Variants in RNLS observed in about 807,000 individuals in gnomAD.
RNLS encodes the protein renalase, FAD dependent amine oxidase, also known as renalase.
RNLS carries 39 observed loss-of-function variants against 39.8 expected under a neutral mutation model. The observed-to-expected ratio is 0.98, with a 90% CI of 0.76 to 1.28. RNLS has a LOEUF of 1.28. Ranked by LOEUF, RNLS falls within the 50% of genes most tolerant of loss-of-function variation. The pLI is 0.00. For synonymous variants in RNLS, 147 were observed against 150.7 expected (o/e 0.98, Z 0.18); for missense variants, 410 against 413.3 (o/e 0.99, Z 0.07).
chr10:88,383,319 A>G (rs1159522981), intron 4 of RNLS, among the ~76,000 whole-genome samples: 1 of 152,132 alleles, frequency 6.6e-6, no homozygotes, highest in Non-Finnish European at 1.5e-5. Context: ...AGTTTTGGAA[A>G]TGAGCTTTCC....
intron 4 of RNLS, among the ~76,000 whole-genome samples, chr10:88,551,596 G>C (rs1302892770): frequency 1.3e-5 from 2 of 152,072 alleles, no homozygotes; most frequent in East Asian, 3.8e-4. Flanking sequence ...AAAACATCTA[G>C]TGCTTGTGAT....
chr10:88,521,470 C>T (rs1463236486), intron 4 of RNLS, among the ~76,000 whole-genome samples: 1 of 151,980 alleles, frequency 6.6e-6, no homozygotes, highest in East Asian at 1.9e-4. Context: ...CAGTCTGTCC[C>T]TAATGGGCAA....
chr10:88,409,304 G>A (rs1179155147), intron 4 of RNLS, among the ~76,000 whole-genome samples: 1 of 152,078 alleles, frequency 6.6e-6, no homozygotes, highest in Non-Finnish European at 1.5e-5. Flanking sequence ...ACATGTGCAA[G>A]AACACACATC....
chr10:88,439,436 T>C (rs1271912798), intron 4 of RNLS, among the ~76,000 whole-genome samples: 1 of 152,226 alleles, frequency 6.6e-6, no homozygotes. Flanking sequence ...AGGGACATCC[T>C]GCCACTATGC....
At chr10:88,214,056 T>TGCTATCATTGGCTTAA in the RNLS span, among the ~76,000 whole-genome samples, 58 of 152,230 alleles carry the variant, frequency 3.8e-4, no homozygotes, top group Non-Finnish European at 4.4e-5. Flanking sequence ...TTCTCGGCTC[T>TGCTATCATTGGCTTAA]GTCTTCTGCT....
intron 4 of RNLS, among the ~76,000 whole-genome samples, chr10:88,410,129 C>G (rs1853562806): frequency 6.6e-6 from 1 of 152,012 alleles, no homozygotes; most frequent in Non-Finnish European, 1.5e-5. Flanking sequence ...TATATTAGGA[C>G]AATAGTCACA....
At chr10:88,358,759 A>G (rs1248480311) in intron 5 of RNLS, among the ~76,000 whole-genome samples, 1 of 152,224 alleles carries the variant, frequency 6.6e-6, no homozygotes, top group Non-Finnish European at 1.5e-5. Context: ...CATCTACTGT[A>G]CTACCTATTC....
the RNLS span, among the ~76,000 whole-genome samples, chr10:88,231,144 C>A: frequency 2.0e-3 from 311 of 152,318 alleles, no homozygotes; most frequent in African/African-American, 7.0e-3. Context: ...ATGTTAAAGT[C>A]CTGGCCCTCA....
chr10:88,478,379 T>C (rs1447416610), intron 4 of RNLS, among the ~76,000 whole-genome samples: 3 of 152,184 alleles, frequency 2.0e-5, no homozygotes, highest in African/African-American at 7.2e-5. Context: ...GGCCCACTCC[T>C]AGCTTGCCAG....
intron 5 of RNLS, among the ~76,000 whole-genome samples, chr10:88,333,687 T>C (rs865926179): frequency 1.3e-5 from 2 of 152,210 alleles, no homozygotes; most frequent in South Asian, 2.1e-4. Context: ...TATTCTGTTA[T>C]GGTCTGAAGG....
chr10:88,527,314 C>G (rs1357577438), intron 4 of RNLS, among the ~76,000 whole-genome samples: 2 of 152,082 alleles, frequency 1.3e-5, no homozygotes, highest in Non-Finnish European at 2.9e-5. Context: ...ATGAGAAAGG[C>G]CTAAAGATAT....
At chr10:88,220,002 C>A in the RNLS span, among the ~76,000 whole-genome samples, 12 of 152,264 alleles carry the variant, frequency 7.9e-5, no homozygotes, top group South Asian at 2.5e-3. Context: ...GCTCAGCACA[C>A]CTTCCCTGCT....
chr10:88,222,231 AC>A, the RNLS span, among the ~76,000 whole-genome samples: 1 of 152,318 alleles, frequency 6.6e-6, no homozygotes, highest in South Asian at 2.1e-4. Flanking sequence ...CTAGGATTCA[AC>A]CCACCTTGGA....
At chr10:88,541,295 A>T (rs1443355813) in intron 4 of RNLS, among the ~76,000 whole-genome samples, 1 of 152,192 alleles carries the variant, frequency 6.6e-6, no homozygotes, top group Admixed American at 6.5e-5. Flanking sequence ...ATATCTGTGT[A>T]CGTGTCTTAA....
chr10:88,238,884 C>G, the RNLS span, among the ~76,000 whole-genome samples: 1 of 152,168 alleles, frequency 6.6e-6, no homozygotes, highest in African/African-American at 2.4e-5. Flanking sequence ...CTTGAGGTGG[C>G]TGTTAACCTA....
At chr10:88,449,918 G>A (rs2133890037) in intron 4 of RNLS, among the ~76,000 whole-genome samples, 1 of 152,052 alleles carries the variant, frequency 6.6e-6, no homozygotes, top group Non-Finnish European at 1.5e-5. Flanking sequence ...GAAGCATCAA[G>A]AACAAAATGT....
At chr10:88,507,523 A>C (rs1319868439) in intron 4 of RNLS, among the ~76,000 whole-genome samples, 1 of 152,112 alleles carries the variant, frequency 6.6e-6, no homozygotes, top group Non-Finnish European at 1.5e-5. Context: ...CCATATTTAA[A>C]GCCCATGATT....
chr10:88,448,103 G>T (rs1365403033), intron 4 of RNLS, among the ~76,000 whole-genome samples: 13 of 152,076 alleles, frequency 8.5e-5, no homozygotes, highest in Non-Finnish European at 1.5e-5. Flanking sequence ...CATGGGCAAG[G>T]ACTTCATGTT....
chr10:88,211,984 A>G, the RNLS span, among the ~76,000 whole-genome samples: 1 of 152,170 alleles, frequency 6.6e-6, no homozygotes, highest in African/African-American at 2.4e-5. Context: ...CAGATTCAAG[A>G]TCTTTAAATG....
Sources: gnomAD v4.1 joint callset for allele counts (sites outside exome capture counted in the v4.1 genomes callset) on GRCh38, gnomAD v4.1.1 for gene constraint, MANE v1.5 for transcripts, NCBI Gene and HGNC (gene_info 2026-07-23, HGNC 2026-07-21) for gene names.